WDR7: variants seen among roughly 807,000 people sequenced by gnomAD.
The protein encoded by WDR7 is WD repeat-containing protein 7.
In WDR7, 46 loss-of-function variants were observed where a neutral mutation model predicts 169.4. That is an observed-to-expected ratio of 0.27 (90% CI 0.21 to 0.35). The LOEUF is 0.35. WDR7 is among the 10% of genes least tolerant of loss of function. The pLI is 1.00. For missense variants in WDR7, 1,534 were observed against 1,859.3 expected (o/e 0.83, Z 3.22); for synonymous variants, 612 against 666.8 (o/e 0.92, Z 1.27).
At chr18:56,947,921 C>T (rs534839944) in intron 25 of WDR7, among the ~76,000 whole-genome samples, 5 of 152,044 alleles carry the variant, frequency 3.3e-5, no homozygotes, top group African/African-American at 4.8e-5. Flanking sequence ...ATCAAGGCTC[C>T]GTTAGAAATG....
intron 21 of WDR7, among the ~76,000 whole-genome samples, chr18:56,886,927 C>G (rs2046204762): frequency 6.6e-6 from 1 of 152,090 alleles, no homozygotes; most frequent in South Asian, 2.1e-4. Flanking sequence ...GAAAATATCA[C>G]AATTTTAAAT....
chr18:57,012,801 C>G (rs1199306530), intron 26 of WDR7, among the ~76,000 whole-genome samples: 1 of 152,236 alleles, frequency 6.6e-6, no homozygotes, highest in Non-Finnish European at 1.5e-5. Context: ...AGGCAGCAGA[C>G]TCTGGCCCCA....
chr18:56,925,459 G>T (rs1048185617), intron 22 of WDR7, among the ~76,000 whole-genome samples: 57 of 151,972 alleles, frequency 3.8e-4, no homozygotes, highest in African/African-American at 1.4e-3. Flanking sequence ...CATCCCAGTG[G>T]GTATGAAGTG....
At chr18:57,018,100 G>C (rs537943525) in intron 26 of WDR7, among the ~76,000 whole-genome samples, 8 of 152,320 alleles carry the variant, frequency 5.3e-5, no homozygotes, top group African/African-American at 1.9e-4. Context: ...CCTGCTTACT[G>C]TTATGTTCTC....
In WDR7 at chr18:57,027,555, C is replaced by T; in HGVS notation, c.*348C>T. 1 of 296,068 alleles carries T rather than the reference C, an allele frequency of 3.4e-6. No homozygotes were observed. The highest frequency in any genetic ancestry group is 6.4e-6 in the Non-Finnish European group (1 of 157,416). 18.3% of individuals were successfully genotyped at this position (296,068 alleles called of 1,614,324 possible). On this transcript the variant is annotated 3_prime_UTR_variant, in exon 28 of 28. Coordinates refer to ENST00000254442, the MANE Select transcript of WDR7 (RefSeq NM_015285.3). ...TCAATAAACACTGTGATTGCACTCC[C>T]AGCCCAGATCAGCATTTTTAGCCAT... is the stretch of plus-strand genomic sequence containing the variant.
chr18:57,022,771 A>G (rs1234578954), intron 27 of WDR7, among the ~76,000 whole-genome samples: 1 of 152,192 alleles, frequency 6.6e-6, no homozygotes, highest in African/African-American at 2.4e-5. Context: ...TTAGAGACCA[A>G]GCTCGTTTAT....
At chr18:56,856,360 C>A (rs2045721680) in intron 20 of WDR7, among the ~76,000 whole-genome samples, 1 of 152,016 alleles carries the variant, frequency 6.6e-6, no homozygotes, top group African/African-American at 2.4e-5. Flanking sequence ...CTGGTGAAAC[C>A]CTGGCTCTAC....
chr18:56,664,216 A>C (rs563959079), intron 1 of WDR7, among the ~76,000 whole-genome samples: 3 of 152,270 alleles, frequency 2.0e-5, no homozygotes, highest in African/African-American at 7.2e-5. Context: ...TGACCCCTTC[A>C]TGTAGTGGGA....
chr18:56,682,392 G>A (rs920250834), intron 4 of WDR7, among the ~76,000 whole-genome samples: 1 of 151,766 alleles, frequency 6.6e-6, no homozygotes. Flanking sequence ...TGCTAGAGGG[G>A]GATAAAAACA....
intron 22 of WDR7, among the ~76,000 whole-genome samples, chr18:56,931,005 T>C (rs2046876656): frequency 6.6e-6 from 1 of 152,192 alleles, no homozygotes; most frequent in South Asian, 2.1e-4. Context: ...AAGGGGGAGC[T>C]CAGGCTGCGT....
chr18:56,808,443 AAT>A (rs1179932509), intron 19 of WDR7, among the ~76,000 whole-genome samples: 1 of 152,180 alleles, frequency 6.6e-6, no homozygotes, highest in African/African-American at 2.4e-5. Flanking sequence ...GAGAATGAGA[AAT>A]AGAATTTTTG....
intron 21 of WDR7, among the ~76,000 whole-genome samples, chr18:56,904,966 A>G (rs2046456788): frequency 1.3e-5 from 2 of 152,318 alleles, no homozygotes; most frequent in African/African-American, 4.8e-5. Flanking sequence ...TACAAACATA[A>G]GAAGAAAGTA....
chr18:56,895,657 CTG>C (rs1358039839), intron 21 of WDR7, among the ~76,000 whole-genome samples: 1 of 151,648 alleles, frequency 6.6e-6, no homozygotes, highest in African/African-American at 2.4e-5. Context: ...CATTGTATGA[CTG>C]TATCAAAACA....
intron 26 of WDR7, among the ~76,000 whole-genome samples, chr18:56,993,918 A>G (rs1318057634): frequency 6.6e-6 from 1 of 152,092 alleles, no homozygotes; most frequent in Non-Finnish European, 1.5e-5. Context: ...CCTCACTAGT[A>G]TACCGCTTAC....
At chr18:56,714,444 CTTT>C (rs1192341254) in intron 12 of WDR7, among the ~76,000 whole-genome samples, 1 of 130,268 alleles carries the variant, frequency 7.7e-6, no homozygotes. Context: ...TTGGACGAAA[CTTT>C]TTTTTTTTTT....
chr18:56,770,706 G>GT (rs1470393352), intron 16 of WDR7, among the ~76,000 whole-genome samples: 1 of 152,092 alleles, frequency 6.6e-6, no homozygotes, highest in East Asian at 1.9e-4. Flanking sequence ...TTCTGCTCTG[G>GT]TAAGTCCTTA....
At chr18:56,707,942 G>A (rs1014517208) in intron 12 of WDR7, among the ~76,000 whole-genome samples, 2 of 151,806 alleles carry the variant, frequency 1.3e-5, no homozygotes, top group African/African-American at 4.8e-5. Context: ...AATGAGGACA[G>A]TATCTGTCAA....
chr18:56,918,700 A>C (rs943825263), intron 21 of WDR7, among the ~76,000 whole-genome samples: 2 of 152,200 alleles, frequency 1.3e-5, no homozygotes, highest in African/African-American at 4.8e-5. Flanking sequence ...ATATTTCACC[A>C]TACAACTGGA....
Position 56,818,919 on chromosome 18 carries a change from G to A in WDR7, c.3304+2775G>A, listed in dbSNP as rs553064071. Among the ~76,000 whole-genome samples the A allele has an allele frequency of 2.0e-5, 3 of 152,196 alleles. No homozygotes were observed. The South Asian group carries it at 6.2e-4, about 32-fold the overall frequency. ...AATAAGTAGTAATTATATCATGACA[G>A]GTATTTGCCTGCATTTTCAGGGAAT... On this transcript the variant is annotated intron_variant, in intron 20 of 27. Coordinates refer to ENST00000254442, the MANE Select transcript of WDR7 (RefSeq NM_015285.3).
Sources: gnomAD v4.1 joint callset for allele counts (sites outside exome capture counted in the v4.1 genomes callset) on GRCh38, gnomAD v4.1.1 for gene constraint, MANE v1.5 for transcripts, NCBI Gene and HGNC (gene_info 2026-07-23, HGNC 2026-07-21) for gene names.